PTPRT: variants seen among roughly 807,000 people sequenced by gnomAD.
PTPRT encodes the protein protein tyrosine phosphatase receptor type T, also known as receptor-type tyrosine-protein phosphatase T.
PTPRT carries 56 observed loss-of-function variants against 176.8 expected under a neutral mutation model. That is an observed-to-expected ratio of 0.32 (90% CI 0.26 to 0.40). PTPRT has a LOEUF of 0.40. PTPRT is among the 10% of genes least tolerant of loss of function. The pLI, the probability that PTPRT is intolerant of heterozygous loss-of-function variation, is 1.00. For missense variants in PTPRT, 1,540 were observed against 1,908.2 expected (o/e 0.81, Z 3.60); for synonymous variants, 783 against 739.0 (o/e 1.06, Z -0.96).
At position 42,448,950 on chromosome 20, in the gene PTPRT, C is replaced by T. The variant is rs148603795; in HGVS notation, c.1451-621G>A. On this transcript the variant is annotated intron_variant, in intron 8 of 30. Transcript: ENST00000373187. ...CCACATTCAAAGCCATCCTGGGCTG[C>T]ATGCAGCCCAGGGGCTGCTGGTTGG... Among the ~76,000 whole-genome samples, 986 of 152,154 alleles carry T rather than the reference C, an allele frequency of 6.5e-3. 12 individuals carry two copies. The highest frequency in any genetic ancestry group is 0.022 in the African/African-American group (930 of 41,524).
At position 43,116,818 on chromosome 20, in the gene PTPRT, A is replaced by G. The variant is rs550333457; in HGVS notation, c.88+72828T>C. Among the ~76,000 whole-genome samples the G allele has an allele frequency of 1.5e-3, 236 of 152,312 alleles. 1 individual carries two copies. The highest frequency in any genetic ancestry group is 5.5e-3 in the African/African-American group (227 of 41,560). On this transcript the variant is annotated intron_variant, in intron 1 of 30. Coordinates refer to ENST00000373187, the MANE Select transcript of PTPRT (RefSeq NM_007050.6). ...ACAGGTTAGCACATACCACTACTGA[A>G]TATCCATCAAATGTGGACTCCATGT...
chr20:42,350,649 T>C lies in PTPRT; in HGVS notation c.1844A>G (p.Gln615Arg). The C allele has an allele frequency of 3.7e-6, 6 of 1,612,444 alleles. No homozygotes were observed. The highest frequency in any genetic ancestry group is 5.1e-6 in the Non-Finnish European group (6 of 1,178,438). ...TTITVMLKPA[Q>R]SRGAPVSVYQ... is the part of the protein sequence containing the mutation. Reference sequence around the variant, plus strand: ...TCACCTGACAGGAGCTCCCCGGGACTGAGCGGGTTTCAGCATCACTGTGAT... The same window carrying C: ...TCACCTGACAGGAGCTCCCCGGGACCGAGCGGGTTTCAGCATCACTGTGAT... The change falls in exon 11 of 31, where the codon CAG becomes CGG. Residue 615 changes from glutamine (Q) to arginine (R), a missense_variant. By Grantham distance (43) the Gln-to-Arg change is conservative (BLOSUM62 1). This residue lies in a region of PTPRT where 81 missense variants were observed against 89.9 expected (regional missense o/e 0.90). Coordinates refer to ENST00000373187, the MANE Select transcript of PTPRT (RefSeq NM_007050.6).
intron 1 of PTPRT, among the ~76,000 whole-genome samples, chr20:42,970,122 C>T (rs547027378): frequency 6.6e-6 from 1 of 152,288 alleles, no homozygotes; most frequent in African/African-American, 2.4e-5. Context: ...TCAGCCCCAT[C>T]CTCCCAGCGC....
In PTPRT at chr20:42,633,957, TATATA is replaced by T. The variant is rs1324254080; in HGVS notation, c.1153+43904_1153+43908del. On this transcript the variant is annotated intron_variant, in intron 7 of 30. Coordinates refer to ENST00000373187, the MANE Select transcript of PTPRT (RefSeq NM_007050.6). ...AATAATATAATATAATATATAATTA[TATATA>T]ATATATTATAATATATTATATATTA... Among the ~76,000 whole-genome samples the T allele has an allele frequency of 5.5e-4, 16 of 29,238 alleles. 1 individual carries two copies. The highest frequency in any genetic ancestry group is 2.5e-3 in the African/African-American group (13 of 5,156). The allele number at this position is 29,238 out of a possible 152,430, so 19.2% of individuals were successfully genotyped here. A position where few individuals can be genotyped will look rare whatever the true frequency, so the allele number is the denominator to read the frequency against.
chr20:42,068,319 G>A (rs116654589), downstream of PTPRT, among the ~76,000 whole-genome samples: 1,496 of 152,282 alleles, frequency 9.8e-3, 10 homozygotes, highest in South Asian at 0.018. Context: ...TCCCATGGCC[G>A]TGGATGACAT....
intron 7 of PTPRT, among the ~76,000 whole-genome samples, chr20:42,666,409 T>C (rs771649064): frequency 1.3e-5 from 2 of 152,242 alleles, no homozygotes; most frequent in Non-Finnish European, 1.5e-5. Flanking sequence ...ATGTACTGTA[T>C]TCATTTCTGG....
chr20:42,759,170 T>C (rs1276609029), intron 5 of PTPRT, among the ~76,000 whole-genome samples: 1 of 152,218 alleles, frequency 6.6e-6, no homozygotes, highest in Non-Finnish European at 1.5e-5. Flanking sequence ...AGGGCCACCA[T>C]GGGGGATAAG....
chr20:42,865,354 T>C (rs1475757443), intron 2 of PTPRT, among the ~76,000 whole-genome samples: 1 of 152,190 alleles, frequency 6.6e-6, no homozygotes. Context: ...GAACCACAAG[T>C]GTATGTTTCA....
At chr20:42,126,032 G>T (rs368835261) in intron 19 of PTPRT, among the ~76,000 whole-genome samples, 2 of 149,266 alleles carry the variant, frequency 1.3e-5, no homozygotes, top group East Asian at 2.0e-4. Flanking sequence ...GAGTGGGGGG[G>T]GGGAGGGGAA....
At chr20:42,742,886 G>A (rs1178478993) in intron 6 of PTPRT, among the ~76,000 whole-genome samples, 1 of 152,232 alleles carries the variant, frequency 6.6e-6, no homozygotes, top group Non-Finnish European at 1.5e-5. Context: ...AATGAACAGA[G>A]CCAAGAATGA....
intron 2 of PTPRT, among the ~76,000 whole-genome samples, chr20:42,871,708 C>T (rs2078849659): frequency 1.3e-5 from 2 of 152,194 alleles, no homozygotes; most frequent in South Asian, 4.2e-4. Context: ...TTACTAAATG[C>T]CATTTGTTGA....
chr20:43,124,306 G>T (rs992486715), intron 1 of PTPRT, among the ~76,000 whole-genome samples: 7 of 152,282 alleles, frequency 4.6e-5, no homozygotes, highest in African/African-American at 1.4e-4. Flanking sequence ...TCACAACCGA[G>T]CTTTGTAATC....
At chr20:42,782,914 CTT>C (rs946623191) in intron 3 of PTPRT, among the ~76,000 whole-genome samples, 2 of 152,152 alleles carry the variant, frequency 1.3e-5, no homozygotes, top group African/African-American at 4.8e-5. Context: ...GGGTTGAAGA[CTT>C]TAATCTATGT....
At chr20:43,024,227 T>C (rs1985821892) in intron 1 of PTPRT, among the ~76,000 whole-genome samples, 1 of 152,114 alleles carries the variant, frequency 6.6e-6, no homozygotes, top group Non-Finnish European at 1.5e-5. Flanking sequence ...TATAGGGTTG[T>C]TGTGAGGAGT....
chr20:42,392,197 T>A (rs2058806329), intron 9 of PTPRT, among the ~76,000 whole-genome samples: 1 of 152,232 alleles, frequency 6.6e-6, no homozygotes, highest in African/African-American at 2.4e-5. Flanking sequence ...ACTCACTCAG[T>A]TCTAACACAT....
intron 8 of PTPRT, among the ~76,000 whole-genome samples, chr20:42,458,818 C>T (rs1207824928): frequency 6.6e-6 from 1 of 152,102 alleles, no homozygotes; most frequent in Non-Finnish European, 1.5e-5. Context: ...AGAATTCATT[C>T]GTTCAATAAT....
chr20:42,358,019 C>T (rs1160242449), intron 9 of PTPRT, among the ~76,000 whole-genome samples: 1 of 150,374 alleles, frequency 6.7e-6, no homozygotes, highest in South Asian at 2.1e-4. Context: ...GGAGACATGA[C>T]AACGAAATGC....
intron 8 of PTPRT, among the ~76,000 whole-genome samples, chr20:42,462,543 C>A (rs1465556303): frequency 2.6e-5 from 4 of 152,116 alleles, no homozygotes; most frequent in Admixed American, 2.0e-4. Flanking sequence ...GGGCAATGAA[C>A]AAGGTAGCAA....
intron 1 of PTPRT, among the ~76,000 whole-genome samples, chr20:43,011,036 CGT>C (rs1985091332): frequency 6.6e-6 from 1 of 152,190 alleles, no homozygotes; most frequent in African/African-American, 2.4e-5. Context: ...GTTAAGAAAA[CGT>C]GGGCCATCCT....
Sources: allele counts gnomAD v4.1 joint callset (sites outside exome capture counted in the v4.1 genomes callset), GRCh38; gene constraint gnomAD v4.1.1; regional missense constraint gnomAD v4.1.1; transcripts MANE v1.5; gene names NCBI Gene and HGNC (gene_info 2026-07-23, HGNC 2026-07-21).